The following MORC4 variants were observed in gnomAD, a reference collection of about 807,000 sequenced individuals.
MORC4 encodes MORC family CW-type zinc finger protein 4.
In MORC4, 22 loss-of-function variants were observed where a neutral mutation model predicts 65.5. The ratio of observed to expected loss-of-function variants is 0.34; its 90% CI spans 0.24 to 0.48. The LOEUF (loss-of-function observed/expected upper bound fraction) is 0.48. Among genes scored for constraint, MORC4 ranks in the 20% least tolerant of loss-of-function variants. The pLI, the probability that MORC4 is intolerant of heterozygous loss-of-function variation, is 0.99. For synonymous variants in MORC4, 267 were observed against 255.8 expected, an observed-to-expected ratio of 1.04 and a Z score of -0.42; for missense variants, 624 against 703.0, an observed-to-expected ratio of 0.89 and a Z score of 1.27.
chrX:106,955,799 G>C (rs1480751415), intron 13 of MORC4, among the ~76,000 whole-genome samples: 2 of 111,309 alleles, frequency 1.8e-5, no homozygotes. Flanking sequence ...TACCCTGATT[G>C]AGTGAGTGGA....
In MORC4 at chrX:106,981,541, A is replaced by G. The variant is rs1460174040; in HGVS notation, c.675-64T>C. 6.0e-6 allele frequency: 6 copies of G among 992,354 alleles called. No homozygotes were observed. In the African/African-American group the frequency reaches 1.3e-4, roughly 22 times the overall value. 81.8% of individuals were successfully genotyped at this position (992,354 alleles called of 1,213,427 possible). A position where few individuals can be genotyped will look rare whatever the true frequency, so the allele number is the denominator to read the frequency against. Reference sequence around the variant, plus strand: ...GCTCCAGAGGACAAAAAAATGCACTAGGAGCCCAAAAGAAAAAAAAACAAT... The same window carrying G: ...GCTCCAGAGGACAAAAAAATGCACTGGGAGCCCAAAAGAAAAAAAAACAAT... On this transcript the variant is annotated intron_variant, in intron 5 of 16. Coordinates refer to ENST00000355610, the MANE Select transcript of MORC4 (RefSeq NM_024657.5).
chrX:106,965,546 GA>G (rs1934353833), intron 9 of MORC4, among the ~76,000 whole-genome samples: 1 of 111,922 alleles, frequency 8.9e-6, no homozygotes, highest in African/African-American at 3.2e-5. Context: ...ACGATATAAT[GA>G]AAAAGAATGT....
chrX:106,952,967 T>G (rs1934012186), intron 14 of MORC4, among the ~76,000 whole-genome samples: 1 of 112,326 alleles, frequency 8.9e-6, no homozygotes, highest in South Asian at 3.7e-4. Flanking sequence ...ACAATCATCA[T>G]TTACTGATCT....
At position 106,941,371 on chromosome X, in the gene MORC4, T is replaced by TGAGA. The variant is rs58310740; in HGVS notation, c.*104_*107dup. ...TCTATATAAGGCATAAAGGTGAGGG[T>TGAGA]GAGAGAGAGAGAGAGAGAGAGAGAG... On this transcript the variant is annotated 3_prime_UTR_variant, in exon 17 of 17. Transcript: ENST00000355610. 0.022 allele frequency: 8,688 copies of TGAGA among 389,170 alleles called. 135 individuals carry two copies. The highest frequency in any genetic ancestry group is 0.042 in the African/African-American group (1,281 of 30,186). 32.1% of individuals were successfully genotyped at this position (389,170 alleles called of 1,213,427 possible).
chrX:106,947,571 T>TTATATATA (rs764069844), intron 14 of MORC4, among the ~76,000 whole-genome samples: 12 of 77,943 alleles, frequency 1.5e-4, no homozygotes, highest in African/African-American at 6.2e-4. Context: ...TATATATATA[T>TTATATATA]TATATATATA....
At chrX:106,957,332 G>T (rs1295554858) in intron 11 of MORC4, among the ~76,000 whole-genome samples, 1 of 111,663 alleles carries the variant, frequency 9.0e-6, no homozygotes, top group Non-Finnish European at 1.9e-5. Context: ...AAAAGATAAA[G>T]TATTCAAAAA....
chrX:106,985,021 G>A, intron 5 of MORC4, 75 bp downstream of exon 5: 1 of 954,752 alleles, frequency 1.0e-6, no homozygotes, highest in Non-Finnish European at 1.4e-6. Flanking sequence ...AATTTTAAAA[G>A]TTAAAATTAA....
intron 9 of MORC4, among the ~76,000 whole-genome samples, chrX:106,963,058 T>C (rs1340447822): frequency 1.8e-5 from 2 of 111,797 alleles, no homozygotes; most frequent in African/African-American, 6.5e-5. Context: ...AGTAATCATA[T>C]ATGAGCTCCC....
chrX:106,973,443 T>C (rs955848311), intron 9 of MORC4, among the ~76,000 whole-genome samples: 1 of 111,582 alleles, frequency 9.0e-6, no homozygotes, highest in African/African-American at 3.3e-5. Flanking sequence ...TGACTCTGCA[T>C]TGATGCTGTA....
intron 3 of MORC4, 53 bp downstream of exon 3, chrX:106,993,177 T>TA (rs1935011529): frequency 8.8e-7 from 1 of 1,135,161 alleles, no homozygotes; most frequent in Admixed American, 2.6e-5. Flanking sequence ...TATGAAGCCT[T>TA]AAATAGGGTT....
intron 9 of MORC4, among the ~76,000 whole-genome samples, chrX:106,965,839 T>A (rs779730532): frequency 5.2e-4 from 58 of 112,289 alleles, no homozygotes; most frequent in African/African-American, 1.8e-3. Flanking sequence ...AATATGGATG[T>A]TAAAGGTATT....
At chrX:106,958,485 G>A in intron 10 of MORC4, 21 bp from the exon 11 acceptor site, 1 of 1,190,699 alleles carries the variant, frequency 8.4e-7, no homozygotes, top group South Asian at 1.9e-5. Context: ...GAAAATGGAA[G>A]TGTGACTGTG....
intron 14 of MORC4, among the ~76,000 whole-genome samples, chrX:106,949,262 G>A (rs985005457): frequency 3.6e-5 from 4 of 111,046 alleles, no homozygotes; most frequent in African/African-American, 1.3e-4. Context: ...TATAGGTTCT[G>A]TCCATTATTA....
At chrX:106,954,342 C>T (rs748435484) in intron 14 of MORC4, among the ~76,000 whole-genome samples, 4 of 111,963 alleles carry the variant, frequency 3.6e-5, no homozygotes, top group Admixed American at 1.9e-4. Flanking sequence ...AGTTATGCTT[C>T]TTCTTGTTAT....
rs777902734 is a variant in MORC4, at chrX:106,969,493, G to A, written c.1157+7091C>T. Among the ~76,000 whole-genome samples the A allele has an allele frequency of 9.9e-5, 11 of 110,921 alleles. No individual in the cohort carries two copies. In the South Asian group the frequency reaches 1.1e-3, roughly 11 times the overall value. On this transcript the variant is annotated intron_variant, in intron 9 of 16. Transcript: ENST00000355610. ...CTAAGATCAGAGCAGAAATGAAGGA[G>A]ATAGAGACACAAAAATCCCTTCAAA...
At chrX:106,993,095 C>T in intron 3 of MORC4, 135 bp downstream of exon 3, 1 of 655,549 alleles carries the variant, frequency 1.5e-6, no homozygotes, top group Non-Finnish European at 2.3e-6. Flanking sequence ...ATAACCAGTG[C>T]CCTGGCACAT....
At chrX:106,957,983 T>C (rs1934150204) in intron 11 of MORC4, among the ~76,000 whole-genome samples, 1 of 112,198 alleles carries the variant, frequency 8.9e-6, no homozygotes, top group Non-Finnish European at 1.9e-5. Context: ...CTGTAAACTA[T>C]GGTCAACAGG....
intron 12 of MORC4, 106 bp from the exon 13 acceptor site, chrX:106,956,640 T>C (rs1934113300): frequency 2.8e-6 from 2 of 715,627 alleles, no homozygotes; most frequent in Non-Finnish European, 4.3e-6. Context: ...AAATTACAAA[T>C]ACTGTGAGCC....
intron 2 of MORC4, among the ~76,000 whole-genome samples, chrX:106,999,137 C>A (rs1357243084): frequency 9.0e-6 from 1 of 111,552 alleles, no homozygotes; most frequent in Non-Finnish European, 1.9e-5. Flanking sequence ...TGAGGGCGCT[C>A]GTGGACCACG....
Sources: gnomAD v4.1 joint callset for allele counts (sites outside exome capture counted in the v4.1 genomes callset) on GRCh38, gnomAD v4.1.1 for gene constraint, MANE v1.5 for transcripts, NCBI Gene and HGNC (gene_info 2026-07-23, HGNC 2026-07-21) for gene names.